FIG4: variants seen among roughly 807,000 people sequenced by gnomAD.
FIG4 encodes FIG4 phosphoinositide 5-phosphatase, also known as polyphosphoinositide phosphatase.
In FIG4, 112 loss-of-function variants were observed where a neutral mutation model predicts 118.6. That is an observed-to-expected ratio of 0.94 (90% confidence interval 0.81 to 1.11). The LOEUF (loss-of-function observed/expected upper bound fraction) is 1.11. FIG4 is among the 50% of genes least tolerant of loss of function. The probability of loss-of-function intolerance (pLI) is 0.00; values close to 1 mark genes in which losing one functional copy is unlikely to be tolerated. For missense variants in FIG4, 969 were observed against 1,111.7 expected, an observed-to-expected ratio of 0.87 and a Z score of 1.83; for synonymous variants, 369 against 381.2, an observed-to-expected ratio of 0.97 and a Z score of 0.37.
chr6:109,739,751 A>C (rs1464401017), intron 7 of FIG4, among the ~76,000 whole-genome samples: 1 of 152,124 alleles, frequency 6.6e-6, no homozygotes, highest in Non-Finnish European at 1.5e-5. Flanking sequence ...AATAATAATA[A>C]TGTACAAAAA....
intron 22 of FIG4, among the ~76,000 whole-genome samples, chr6:109,822,781 GTGTATGTATATATATATATATA>G (rs1779041008): frequency 1.8e-5 from 1 of 55,542 alleles, no homozygotes; most frequent in African/African-American, 7.0e-5. Context: ...ATGTGTGTGT[GTGTATGTATATATATATATATA>G]TATATATATA....
intron 14 of FIG4, among the ~76,000 whole-genome samples, chr6:109,766,279 T>C (rs1485720813): frequency 6.6e-6 from 1 of 152,132 alleles, no homozygotes; most frequent in Non-Finnish European, 1.5e-5. Flanking sequence ...CCTCCAGAAA[T>C]GTGAGAAATG....
intron 2 of FIG4, 72 bp downstream of exon 2, chr6:109,715,248 C>A (rs1775394956): frequency 5.3e-6 from 4 of 754,754 alleles, no homozygotes; most frequent in Non-Finnish European, 9.4e-6. Context: ...AATATCCTTA[C>A]AGTTTTTAGT....
chr6:109,741,634 T>C, intron 8 of FIG4, 90 bp downstream of exon 8: 1 of 877,052 alleles, frequency 1.1e-6, no homozygotes, highest in Non-Finnish European at 1.9e-6. Flanking sequence ...TAAGAAGTGG[T>C]ATTTCTTAGT....
intron 1 of FIG4, among the ~76,000 whole-genome samples, chr6:109,698,979 A>G (rs1054255684): frequency 5.3e-5 from 8 of 152,188 alleles, no homozygotes; most frequent in Non-Finnish European, 1.2e-4. Flanking sequence ...ATATCAGGAT[A>G]ACTCTAGCTT....
chr6:109,789,682 G>C lies in FIG4; in HGVS notation c.2180+5G>C, dbSNP rs1778084449. The C allele has an allele frequency of 6.3e-7, 1 of 1,595,680 alleles. No homozygotes were observed. The highest frequency in any genetic ancestry group is 1.3e-5 in the African/African-American group (1 of 74,594). On this transcript the variant is annotated splice_donor_5th_base_variant and intron_variant, in intron 19 of 22. Transcript: ENST00000230124. ...AACTGGAAAATCAGTATTGGGGTAA[G>C]ATTTGTGTATAGAACGAAACTTTAA...
intron 1 of FIG4, among the ~76,000 whole-genome samples, chr6:109,693,162 T>C (rs912908125): frequency 2.0e-5 from 3 of 152,218 alleles, no homozygotes; most frequent in African/African-American, 7.2e-5. Flanking sequence ...CAAAGCCATG[T>C]ATTATTTGTC....
intron 7 of FIG4, among the ~76,000 whole-genome samples, chr6:109,740,311 G>A (rs182962862): frequency 4.6e-5 from 7 of 152,158 alleles, no homozygotes; most frequent in Admixed American, 2.6e-4. Flanking sequence ...TTTAAAGCTC[G>A]TAAGTTTAAA....
intron 9 of FIG4, 76 bp from the exon 10 acceptor site, chr6:109,743,599 A>G: frequency 1.7e-6 from 2 of 1,177,560 alleles, no homozygotes; most frequent in Non-Finnish European, 2.5e-6. Flanking sequence ...ATTTCTTTAA[A>G]AAAACAACCC....
intron 22 of FIG4, among the ~76,000 whole-genome samples, chr6:109,807,888 G>A (rs1778611496): frequency 6.6e-6 from 1 of 152,038 alleles, no homozygotes; most frequent in Non-Finnish European, 1.5e-5. Flanking sequence ...TGCTTGTTTT[G>A]TCAGATTTGT....
intron 21 of FIG4, among the ~76,000 whole-genome samples, chr6:109,795,097 T>TG (rs1434882106): frequency 2.6e-4 from 5 of 18,888 alleles, no homozygotes; most frequent in African/African-American, 2.6e-3. Context: ...ACTTGCCAGT[T>TG]TTTTTTTTTT....
Position 109,760,415 on chromosome 6 carries a change from G to A in FIG4, c.1271+32G>A, listed in dbSNP as rs9481003. The A allele has an allele frequency of 0.075, 119,671 of 1,589,434 alleles. 10,731 individuals are homozygous for A. Among genetic ancestry groups the A allele is most frequent in the African/African-American group, 0.39 (28,821 of 73,968 alleles). ...GATACTCATCTGTCTGGCTATGATC[G>A]TTTCCTTTTCTTGTGATGAGAAATA... is the stretch of plus-strand genomic sequence containing the variant. On this transcript the variant is annotated intron_variant, in intron 11 of 22. Coordinates refer to ENST00000230124, the MANE Select transcript of FIG4 (RefSeq NM_014845.6).
intron 10 of FIG4, among the ~76,000 whole-genome samples, chr6:109,750,789 G>C (rs1203124292): frequency 6.6e-6 from 1 of 152,132 alleles, no homozygotes; most frequent in Admixed American, 6.6e-5. Flanking sequence ...TCTTCACACA[G>C]AGATGATACG....
intron 22 of FIG4, among the ~76,000 whole-genome samples, chr6:109,799,556 A>G (rs1778375145): frequency 6.6e-6 from 1 of 152,240 alleles, no homozygotes; most frequent in South Asian, 2.1e-4. Flanking sequence ...AAGAGTCATA[A>G]TAAGTTCAAG....
chr6:109,729,996 T>G (rs973310987), intron 4 of FIG4, among the ~76,000 whole-genome samples: 1 of 152,112 alleles, frequency 6.6e-6, no homozygotes, highest in African/African-American at 2.4e-5. Flanking sequence ...TGTCCCTTTT[T>G]CATGGATGAG....
intron 4 of FIG4, among the ~76,000 whole-genome samples, chr6:109,728,191 A>G (rs941051863): frequency 1.3e-5 from 2 of 152,218 alleles, no homozygotes; most frequent in African/African-American, 4.8e-5. Flanking sequence ...CTTACAGTCA[A>G]GTGGTTTAGA....
At chr6:109,754,438 G>A (rs1480989568) in intron 10 of FIG4, among the ~76,000 whole-genome samples, 1 of 152,194 alleles carries the variant, frequency 6.6e-6, no homozygotes, top group African/African-American at 2.4e-5. Context: ...TTGGTATCAG[G>A]ATGATGCTGG....
intron 5 of FIG4, 81 bp downstream of exon 5, chr6:109,732,768 C>A: frequency 3.9e-6 from 3 of 766,722 alleles, no homozygotes; most frequent in Non-Finnish European, 6.8e-6. Flanking sequence ...AGAATGAGAA[C>A]ATAGTAGTAC....
At chr6:109,777,881 T>A (rs1476167031) in intron 16 of FIG4, among the ~76,000 whole-genome samples, 3 of 152,196 alleles carry the variant, frequency 2.0e-5, no homozygotes, top group Non-Finnish European at 4.4e-5. Flanking sequence ...CTGGGTCGAG[T>A]AATTTAAACT....
Sources: gnomAD v4.1 joint callset for allele counts (sites outside exome capture counted in the v4.1 genomes callset) on GRCh38, gnomAD v4.1.1 for gene constraint, MANE v1.5 for transcripts, NCBI Gene and HGNC (gene_info 2026-07-23, HGNC 2026-07-21) for gene names.